The following MSH4 variants were observed in gnomAD, a reference collection of about 807,000 sequenced individuals.
The protein encoded by MSH4 is mutS protein homolog 4.
In MSH4, 106 loss-of-function variants were observed where a neutral mutation model predicts 113.7. The observed-to-expected ratio is 0.93, with a 90% CI of 0.80 to 1.10. MSH4 has a LOEUF of 1.10. Among genes scored for constraint, MSH4 ranks in the 50% least tolerant of loss-of-function variants. The pLI is 0.00. For missense variants in MSH4, 1,061 were observed against 1,093.7 expected (o/e 0.97, Z 0.42); for synonymous variants, 368 against 380.2 (o/e 0.97, Z 0.37).
intron 19 of MSH4, among the ~76,000 whole-genome samples, chr1:75,903,363 CTCTGT>C (rs1352444680): frequency 6.6e-6 from 1 of 151,832 alleles, no homozygotes; most frequent in Non-Finnish European, 1.5e-5. Context: ...TTTCTGGGTT[CTCTGT>C]TCTGTTCAAT....
intron 19 of MSH4, among the ~76,000 whole-genome samples, chr1:75,900,468 A>AT (rs71730139): frequency 0.19 from 28,688 of 150,800 alleles, 2,980 homozygotes; most frequent in Middle Eastern, 0.27. Flanking sequence ...CACCCGGCTA[A>AT]TTTTTTTTTG....
chr1:75,885,463 A>ATG lies in MSH4; in HGVS notation c.2107+1643_2107+1644insGT, dbSNP rs1487309797. On this transcript the variant is annotated intron_variant, in intron 15 of 19. Coordinates refer to ENST00000263187, the MANE Select transcript of MSH4 (RefSeq NM_002440.4). ...TATATACATATATATATATATATGT[A>ATG]TATATACACACACACACACAAACAC... 2.6e-3 allele frequency among the ~76,000 whole-genome samples: 176 copies of ATG among 67,188 alleles called. 1 individual carries two copies. Among genetic ancestry groups the ATG allele is most frequent in the South Asian group, 0.015 (48 of 3,194 alleles). 44.1% of individuals were successfully genotyped at this position (67,188 alleles called of 152,430 possible). A position where few individuals can be genotyped will look rare whatever the true frequency, so the allele number is the denominator to read the frequency against.
At chr1:75,862,241 G>A (rs927885206) in intron 8 of MSH4, among the ~76,000 whole-genome samples, 7 of 152,204 alleles carry the variant, frequency 4.6e-5, no homozygotes, top group South Asian at 2.1e-4. Context: ...TGTGCTTTCC[G>A]GGTGAGGTGA....
At chr1:75,894,000 A>T (rs1469868726) in intron 17 of MSH4, among the ~76,000 whole-genome samples, 1 of 152,168 alleles carries the variant, frequency 6.6e-6, no homozygotes, top group Non-Finnish European at 1.5e-5. Context: ...TGGGTTTGTC[A>T]TTTAAGATCA....
chr1:75,858,250 C>T (rs111546434), intron 8 of MSH4, among the ~76,000 whole-genome samples: 114,455 of 152,038 alleles, frequency 0.75, 43,223 homozygotes, highest in East Asian at 0.98. Context: ...ATTCAAATAC[C>T]CTTTATTTCT....
intron 7 of MSH4, among the ~76,000 whole-genome samples, chr1:75,843,907 G>C (rs1385932905): frequency 6.6e-6 from 1 of 152,082 alleles, no homozygotes; most frequent in Non-Finnish European, 1.5e-5. Flanking sequence ...CGCCTCCCGG[G>C]TTCAAGCGAT....
At chr1:75,836,176 T>C (rs1224463977) in intron 7 of MSH4, among the ~76,000 whole-genome samples, 2 of 152,228 alleles carry the variant, frequency 1.3e-5, no homozygotes, top group East Asian at 3.8e-4. Flanking sequence ...TAGTTGAAGT[T>C]ACCTTCCACA....
chr1:75,898,010 C>A lies in MSH4; in HGVS notation c.2459C>A (p.Thr820Asn). Residue 820 changes from threonine to asparagine, a missense_variant, in exon 18 of 20, where the codon ACC becomes AAC. By Grantham distance (65) the Thr-to-Asn change is moderately conservative (BLOSUM62 0). Coordinates refer to ENST00000263187, the MANE Select transcript of MSH4 (RefSeq NM_002440.4). ...MHFEVQHVKNTSRNKEAILYT... is the reference protein window; with the variant it reads ...MHFEVQHVKNNSRNKEAILYT... ...TTTGAAGTTCAACATGTAAAGAATACCTCAAGAAATAAAGAAGCAATTTTG... is the reference window on the plus strand; with the variant it reads ...TTTGAAGTTCAACATGTAAAGAATAACTCAAGAAATAAAGAAGCAATTTTG... The A allele has an allele frequency of 6.2e-7, 1 of 1,606,994 alleles. No homozygotes were observed. Among genetic ancestry groups the A allele is most frequent in the Non-Finnish European group, 8.5e-7 (1 of 1,176,336 alleles).
At chr1:75,811,277 C>T (rs1256722732) in intron 4 of MSH4, among the ~76,000 whole-genome samples, 1 of 152,014 alleles carries the variant, frequency 6.6e-6, no homozygotes, top group Non-Finnish European at 1.5e-5. Context: ...AAATACAAAT[C>T]CTAATCTAAG....
At position 75,823,036 on chromosome 1, in the gene MSH4, G is replaced by C. The variant is rs185572726; in HGVS notation, c.1162+455G>C. 2.4e-4 allele frequency among the ~76,000 whole-genome samples: 37 copies of C among 152,138 alleles called. No individual in the cohort carries two copies. The East Asian group carries it at 7.0e-3, about 29-fold the overall frequency. On this transcript the variant is annotated intron_variant, in intron 7 of 19. Transcript: ENST00000263187. ...CTGGAAGCTAGAAACTTAAAATAAGGTGTCAGAAAAGCCATGCTCCCTCTG... is the reference window on the plus strand; with the variant it reads ...CTGGAAGCTAGAAACTTAAAATAAGCTGTCAGAAAAGCCATGCTCCCTCTG...
intron 7 of MSH4, among the ~76,000 whole-genome samples, chr1:75,831,740 G>A (rs967485357): frequency 6.6e-6 from 1 of 152,082 alleles, no homozygotes; most frequent in Admixed American, 6.6e-5. Context: ...AAACCAATGA[G>A]AACAAAGACA....
intron 4 of MSH4, among the ~76,000 whole-genome samples, chr1:75,813,817 C>T (rs1468962072): frequency 6.6e-6 from 1 of 151,800 alleles, no homozygotes; most frequent in Non-Finnish European, 1.5e-5. Flanking sequence ...TCAAATCTAG[C>T]TTGGGCAACA....
intron 9 of MSH4, among the ~76,000 whole-genome samples, chr1:75,869,045 G>A (rs1651651999): frequency 6.6e-6 from 1 of 152,194 alleles, no homozygotes; most frequent in Admixed American, 6.5e-5. Context: ...CAGAAGACAG[G>A]AAGTTGTAGG....
chr1:75,877,747 C>G (rs1282827425), intron 10 of MSH4, among the ~76,000 whole-genome samples: 1 of 152,146 alleles, frequency 6.6e-6, no homozygotes, highest in East Asian at 1.9e-4. Context: ...ATATGTTATT[C>G]TTCTCTGAAT....
At chr1:75,832,499 C>G (rs564222018) in intron 7 of MSH4, among the ~76,000 whole-genome samples, 8 of 152,284 alleles carry the variant, frequency 5.3e-5, no homozygotes, top group South Asian at 2.1e-4. Flanking sequence ...GAATTTTAGA[C>G]CAATATCCCT....
intron 17 of MSH4, among the ~76,000 whole-genome samples, chr1:75,896,490 C>T (rs1314511565): frequency 6.6e-6 from 1 of 151,464 alleles, no homozygotes; most frequent in Non-Finnish European, 1.5e-5. Flanking sequence ...TCTTTTTGCC[C>T]AGGCTGGAGT....
At chr1:75,850,702 C>T (rs369344698) in intron 8 of MSH4, among the ~76,000 whole-genome samples, 147 of 152,060 alleles carry the variant, frequency 9.7e-4, no homozygotes, top group African/African-American at 3.4e-3. Flanking sequence ...CTCCTATATC[C>T]TTATGGTGTT....
At position 75,898,080 on chromosome 1, in the gene MSH4, TG is replaced by T; in HGVS notation, c.2530+1del. ...AGGGACTCACAGAAGAGAAAAATTA[TG>T]GTACTGCATATAGAAATTATACCTA... is the stretch of plus-strand genomic sequence containing the variant. The part of the protein sequence containing the change: ...SKGLTEEKNY[G>X]LKAAEVSSLP... On this transcript the variant is annotated frameshift_variant and splice_region_variant, in exon 18 of 20. Transcript: ENST00000263187. LOFTEE classifies it high-confidence loss of function. 1 of 1,560,506 alleles carries T rather than the reference TG, an allele frequency of 6.4e-7. No homozygotes were observed. The highest frequency in any genetic ancestry group is 1.9e-5 in the Admixed American group (1 of 53,274).
chr1:75,834,697 G>T (rs532618961), intron 7 of MSH4, among the ~76,000 whole-genome samples: 1 of 152,122 alleles, frequency 6.6e-6, no homozygotes, highest in South Asian at 2.1e-4. Flanking sequence ...ACCAAACACC[G>T]CATGTTCTCA....
Sources: allele counts gnomAD v4.1 joint callset (sites outside exome capture counted in the v4.1 genomes callset), GRCh38; gene constraint gnomAD v4.1.1; transcripts MANE v1.5; gene names NCBI Gene and HGNC (gene_info 2026-07-23, HGNC 2026-07-21).